Variants in TAB2 observed in about 807,000 individuals in gnomAD.
TAB2 encodes TGF-beta activated kinase 1 (MAP3K7) binding protein 2.
Under a neutral mutation model 65.0 loss-of-function variants are expected in TAB2, and 3 were observed. The observed-to-expected ratio is 0.05, with a 90% CI of 0.02 to 0.12. The LOEUF (loss-of-function observed/expected upper bound fraction) is 0.12. Among genes scored for constraint, TAB2 ranks in the 10% least tolerant of loss-of-function variants. The pLI is 1.00. For missense variants in TAB2, 623 were observed against 840.3 expected, an observed-to-expected ratio of 0.74 and a Z score of 3.20; for synonymous variants, 298 against 285.1, an observed-to-expected ratio of 1.05 and a Z score of -0.46.
chr6:149,403,248 ATATATATATATATATAT>A (rs1231120067), intron 6 of TAB2, among the ~76,000 whole-genome samples: 2 of 30,578 alleles, frequency 6.5e-5, no homozygotes, highest in African/African-American at 3.0e-4. Context: ...AAAAAAAAAA[ATATATATATATATATAT>A]ATATATATAT....
chr6:149,355,243 C>T (rs774901478), intron 1 of TAB2, among the ~76,000 whole-genome samples: 9 of 152,220 alleles, frequency 5.9e-5, no homozygotes, highest in Non-Finnish European at 1.0e-4. Flanking sequence ...TACTTCCTTG[C>T]ATTTTCTGAG....
At chr6:149,227,159 G>A (rs890651811) in intron 1 of TAB2, among the ~76,000 whole-genome samples, 3 of 152,238 alleles carry the variant, frequency 2.0e-5, no homozygotes, top group Middle Eastern at 3.4e-3. Context: ...ATATTAAAAC[G>A]AGAGATTTTT....
chr6:149,304,755 A>G (rs374853623), intron 1 of TAB2, among the ~76,000 whole-genome samples: 1 of 152,284 alleles, frequency 6.6e-6, no homozygotes, highest in African/African-American at 2.4e-5. Context: ...CACTTGTTTA[A>G]AAGTGGCTTA....
chr6:149,347,622 A>C (rs1780347154), intron 1 of TAB2, among the ~76,000 whole-genome samples: 1 of 152,184 alleles, frequency 6.6e-6, no homozygotes, highest in African/African-American at 2.4e-5. Flanking sequence ...GATTGATTAT[A>C]GTTACCTCAT....
chr6:149,254,016 A>AAGAAAG (rs1777935332), intron 1 of TAB2, among the ~76,000 whole-genome samples: 3 of 149,988 alleles, frequency 2.0e-5, no homozygotes, highest in African/African-American at 7.4e-5. Flanking sequence ...GAAAGAAAGA[A>AAGAAAG]AGAAAGAAAA....
chr6:149,247,942 G>A (rs1777760062), intron 1 of TAB2: 2 of 152,202 alleles, frequency 1.3e-5, no homozygotes, highest in East Asian at 1.9e-4. Context: ...AGAACATTAG[G>A]ACAAATACCT....
chr6:149,377,115 G>C (rs1781426804), intron 2 of TAB2, among the ~76,000 whole-genome samples: 1 of 149,370 alleles, frequency 6.7e-6, no homozygotes, highest in Non-Finnish European at 1.5e-5. Context: ...TGTCACCCAG[G>C]CTGGAGTGCA....
At chr6:149,365,681 A>G (rs1213428465) in intron 1 of TAB2, among the ~76,000 whole-genome samples, 3 of 151,890 alleles carry the variant, frequency 2.0e-5, no homozygotes, top group African/African-American at 7.3e-5. Context: ...TTTTAGCCAT[A>G]ATTTCTTCAA....
chr6:149,302,976 G>A (rs185733137), intron 1 of TAB2, among the ~76,000 whole-genome samples: 12 of 152,350 alleles, frequency 7.9e-5, no homozygotes, highest in Admixed American at 7.8e-4. Context: ...GTCAGTGGTA[G>A]CATTAAATTC....
intron 1 of TAB2, among the ~76,000 whole-genome samples, chr6:149,260,819 T>G (rs2114666932): frequency 6.6e-6 from 1 of 152,346 alleles, no homozygotes; most frequent in Middle Eastern, 3.4e-3. Flanking sequence ...GACCTGTAGT[T>G]GAGTTATGAA....
chr6:149,356,057 A>T (rs562589147), intron 1 of TAB2, among the ~76,000 whole-genome samples: 16 of 152,192 alleles, frequency 1.1e-4, no homozygotes, highest in Non-Finnish European at 2.2e-4. Context: ...TTTCAAGTAG[A>T]TTTCTTAAAA....
chr6:149,401,053 A>C (rs9498344), intron 6 of TAB2: 44,232 of 190,500 alleles, frequency 0.23, 5,415 homozygotes, highest in Non-Finnish European at 0.25. Flanking sequence ...ACAACAACAA[A>C]AAAAAATTCT....
intron 1 of TAB2, among the ~76,000 whole-genome samples, chr6:149,265,573 C>T (rs6906793): frequency 0.47 from 71,851 of 151,818 alleles, 17,478 homozygotes; most frequent in East Asian, 0.68. Flanking sequence ...CCCCTGCAAC[C>T]ACTCACCCCT....
intron 3 of TAB2, among the ~76,000 whole-genome samples, chr6:149,380,860 G>A (rs917421579): frequency 1.3e-5 from 2 of 152,102 alleles, no homozygotes; most frequent in African/African-American, 4.8e-5. Context: ...TAATTGCTTT[G>A]CCTTATTTTA....
At chr6:149,339,609 T>TTTATTTA (rs1562422793) in intron 1 of TAB2, among the ~76,000 whole-genome samples, 5 of 129,754 alleles carry the variant, frequency 3.9e-5, no homozygotes, top group Admixed American at 2.3e-4. Flanking sequence ...TTATTTATTT[T>TTTATTTA]TTTTTTTTTT....
At chr6:149,406,329 G>C (rs983966775) in intron 6 of TAB2, among the ~76,000 whole-genome samples, 2 of 152,194 alleles carry the variant, frequency 1.3e-5, no homozygotes, top group African/African-American at 4.8e-5. Flanking sequence ...CATTTTTCCT[G>C]TGAAGCTGAA....
At chr6:149,359,469 G>C (rs1251467451) in intron 1 of TAB2, among the ~76,000 whole-genome samples, 1 of 152,114 alleles carries the variant, frequency 6.6e-6, no homozygotes, top group Non-Finnish European at 1.5e-5. Context: ...GTGAATTTCA[G>C]TTCTTGTGGC....
At chr6:149,310,857 C>T (rs1779154696) in intron 1 of TAB2, among the ~76,000 whole-genome samples, 1 of 152,090 alleles carries the variant, frequency 6.6e-6, no homozygotes, top group African/African-American at 2.4e-5. Flanking sequence ...TCTTTGATAC[C>T]TTTCTCCCTC....
In TAB2 at chr6:149,348,667, T is replaced by TA. The variant is rs528791292; in HGVS notation, c.-89-21233dup. On this transcript the variant is annotated intron_variant, in intron 1 of 6. Transcript: ENST00000637181. Reference sequence around the variant, plus strand: ...ACTTGGAAACATCACCTGTGAACATTAAAAAAAAAGATAAGGCCGGGCGCA... The same window carrying TA: ...ACTTGGAAACATCACCTGTGAACATTAAAAAAAAAAGATAAGGCCGGGCGCA... Among the ~76,000 whole-genome samples, 436 of 149,318 alleles carry TA rather than the reference T, an allele frequency of 2.9e-3. 2 individuals are homozygous for TA. The highest frequency in any genetic ancestry group is 4.7e-3 in the Non-Finnish European group (317 of 67,080).
Sources: gnomAD v4.1 joint callset for allele counts (sites outside exome capture counted in the v4.1 genomes callset) on GRCh38, gnomAD v4.1.1 for gene constraint, MANE v1.5 for transcripts, NCBI Gene and HGNC (gene_info 2026-07-23, HGNC 2026-07-21) for gene names.